The following LRBA variants were observed in gnomAD, a reference collection of about 807,000 sequenced individuals.
LRBA encodes LPS responsive beige-like anchor protein.
A neutral mutation model predicts 330.0 loss-of-function variants in LRBA; 176 were observed. The ratio of observed to expected loss-of-function variants is 0.53; its 90% CI spans 0.47 to 0.60. The LOEUF (loss-of-function observed/expected upper bound fraction) is 0.60. Ranked by LOEUF, LRBA falls within the 20% of genes least tolerant of loss-of-function variation. The pLI, the probability that LRBA is intolerant of heterozygous loss-of-function variation, is 0.00. For missense variants in LRBA, 3,259 were observed against 3,444.8 expected, an observed-to-expected ratio of 0.95 and a Z score of 1.35; for synonymous variants, 1,230 against 1,193.0, an observed-to-expected ratio of 1.03 and a Z score of -0.64.
chr4:150,660,669 C>G (rs1238495311), intron 37 of LRBA, among the ~76,000 whole-genome samples: 1 of 137,264 alleles, frequency 7.3e-6, no homozygotes, highest in African/African-American at 2.6e-5. Flanking sequence ...GGATGGTTGC[C>G]GTGTCTGTGT....
At chr4:150,533,428 C>T (rs1764260575) in intron 40 of LRBA, among the ~76,000 whole-genome samples, 1 of 152,108 alleles carries the variant, frequency 6.6e-6, no homozygotes, top group South Asian at 2.1e-4. Context: ...TCTCCTTGGG[C>T]TCCCAAAGGC....
At chr4:150,582,620 A>G (rs1033915871) in intron 40 of LRBA, 2 of 170,402 alleles carry the variant, frequency 1.2e-5, no homozygotes, top group African/African-American at 4.8e-5. Context: ...TCATTTCCAG[A>G]TTTCTGGACA....
At chr4:150,530,109 A>G (rs1763901735) in intron 40 of LRBA, among the ~76,000 whole-genome samples, 1 of 152,238 alleles carries the variant, frequency 6.6e-6, no homozygotes, top group Non-Finnish European at 1.5e-5. Flanking sequence ...GAAGAAATAC[A>G]TATTAGGTGT....
chr4:150,570,796 G>A (rs13124512), intron 40 of LRBA, among the ~76,000 whole-genome samples: 68,254 of 151,904 alleles, frequency 0.45, 15,916 homozygotes, highest in Admixed American at 0.52. Flanking sequence ...CCTTGGTTTC[G>A]TTACCTTTTA....
chr4:150,864,497 A>C (rs1752420622), intron 22 of LRBA, among the ~76,000 whole-genome samples: 7 of 152,106 alleles, frequency 4.6e-5, no homozygotes, highest in Admixed American at 4.6e-4. Flanking sequence ...ATAGAAGACA[A>C]CTGCATTCTC....
chr4:150,504,437 T>C (rs1760758542), intron 40 of LRBA, among the ~76,000 whole-genome samples: 1 of 152,168 alleles, frequency 6.6e-6, no homozygotes, highest in South Asian at 2.1e-4. Flanking sequence ...GGGGCCAATA[T>C]TCAACATTCT....
chr4:150,878,656 T>G (rs932501389), intron 17 of LRBA, among the ~76,000 whole-genome samples: 9 of 151,310 alleles, frequency 5.9e-5, no homozygotes, highest in African/African-American at 2.2e-4. Context: ...ACAAAGTTGA[T>G]GATACAACCA....
intron 14 of LRBA, among the ~76,000 whole-genome samples, chr4:150,899,006 CA>C (rs1188829194): frequency 6.6e-6 from 1 of 152,148 alleles, no homozygotes; most frequent in Non-Finnish European, 1.5e-5. Context: ...TTACTGCAAT[CA>C]GAATGTATGT....
chr4:150,613,682 G>A (rs1216907140), intron 37 of LRBA, among the ~76,000 whole-genome samples: 2 of 152,204 alleles, frequency 1.3e-5, no homozygotes, highest in Non-Finnish European at 1.5e-5. Flanking sequence ...ACAGAGAAAA[G>A]CTGTACTCCC....
At chr4:150,531,263 C>G (rs1764027860) in intron 40 of LRBA, among the ~76,000 whole-genome samples, 1 of 152,166 alleles carries the variant, frequency 6.6e-6, no homozygotes, top group Non-Finnish European at 1.5e-5. Context: ...TGTAACTCAT[C>G]TTTCCCAGAT....
At chr4:150,425,365 G>A (rs1463416310) in intron 46 of LRBA, among the ~76,000 whole-genome samples, 1 of 152,190 alleles carries the variant, frequency 6.6e-6, no homozygotes, top group East Asian at 1.9e-4. Flanking sequence ...CTTCTGGCTT[G>A]CTCAAAATAA....
chr4:150,993,767 T>A (rs1742352469), intron 2 of LRBA, among the ~76,000 whole-genome samples: 1 of 152,200 alleles, frequency 6.6e-6, no homozygotes, highest in South Asian at 2.1e-4. Context: ...ACGAGAACAG[T>A]ATGGGGGAAA....
At chr4:150,957,291 C>A (rs543794743) in intron 2 of LRBA, among the ~76,000 whole-genome samples, 1 of 148,598 alleles carries the variant, frequency 6.7e-6, no homozygotes. Flanking sequence ...ACAATCATGG[C>A]TGAAGGTGAA....
Position 150,808,402 on chromosome 4 carries a change from TAAAAGA to T in LRBA, c.5306-10_5306-5del. 6.4e-7 allele frequency: 1 copy of T among 1,565,298 alleles called. No homozygotes were observed. The highest frequency in any genetic ancestry group is 8.8e-7 in the Non-Finnish European group (1 of 1,138,840). On this transcript the variant is annotated splice_region_variant and splice_polypyrimidine_tract_variant and intron_variant, in intron 31 of 56. Coordinates refer to ENST00000651943, the MANE Select transcript of LRBA (RefSeq NM_001364905.1). ...TTTGCATTAGATGATCTACTGCCTA[TAAAAGA>T]AAAATAACCATCTATAGGAATTTTC...
intron 40 of LRBA, among the ~76,000 whole-genome samples, chr4:150,522,193 A>T (rs1406337588): frequency 6.6e-6 from 1 of 152,138 alleles, no homozygotes; most frequent in African/African-American, 2.4e-5. Context: ...CTTCCACCAG[A>T]CACAAAACCT....
chr4:150,379,863 C>T (rs1308973519), intron 47 of LRBA, among the ~76,000 whole-genome samples: 4 of 151,888 alleles, frequency 2.6e-5, no homozygotes, highest in Non-Finnish European at 4.4e-5. Context: ...CATAGGAAAA[C>T]AACAACAAAG....
chr4:150,639,111 C>T (rs542693173), intron 37 of LRBA, among the ~76,000 whole-genome samples: 1 of 145,296 alleles, frequency 6.9e-6, no homozygotes, highest in Non-Finnish European at 1.5e-5. Context: ...GAACAAAAAA[C>T]CAAACACTGC....
chr4:150,375,066 A>C (rs1397597973), intron 47 of LRBA, among the ~76,000 whole-genome samples: 1 of 93,550 alleles, frequency 1.1e-5, no homozygotes, highest in Non-Finnish European at 2.2e-5. Flanking sequence ...CATATAACCC[A>C]TAAGCCTGTA....
chr4:150,944,931 T>G (rs1311365015), intron 2 of LRBA, among the ~76,000 whole-genome samples: 1 of 152,244 alleles, frequency 6.6e-6, no homozygotes, highest in African/African-American at 2.4e-5. Context: ...GCAGTTACCC[T>G]GCACATGCTC....
Sources: gnomAD v4.1 joint callset for allele counts (sites outside exome capture counted in the v4.1 genomes callset) on GRCh38, gnomAD v4.1.1 for gene constraint, MANE v1.5 for transcripts, NCBI Gene and HGNC (gene_info 2026-07-23, HGNC 2026-07-21) for gene names.